C10orf143: variants seen among roughly 807,000 people sequenced by gnomAD.
C10orf143 encodes chromosome 10 open reading frame 143.
Position 130,096,923 on chromosome 10 carries a change from C to T in C10orf143, c.69+13781G>A, listed in dbSNP as rs368218128. On this transcript the variant is annotated intron_variant, in intron 1 of 3. Transcript: ENST00000637128. Reference sequence around the variant, plus strand: ...ATGTTTACAAATCATATATATGATACAAGTATCCAGAAAATATATATATAT... The same window carrying T: ...ATGTTTACAAATCATATATATGATATAAGTATCCAGAAAATATATATATAT... 2.2e-4 allele frequency among the ~76,000 whole-genome samples: 33 copies of T among 147,226 alleles called. No individual in the cohort carries two copies. The South Asian group carries it at 6.6e-3, about 29-fold the overall frequency.
At chr10:130,050,123 G>A (rs1860719590) in intron 3 of C10orf143, among the ~76,000 whole-genome samples, 1 of 152,244 alleles carries the variant, frequency 6.6e-6, no homozygotes, top group African/African-American at 2.4e-5. Flanking sequence ...GAAAACAGGT[G>A]GTGGGACCCG....
chr10:130,099,349 T>G (rs1659815451), intron 1 of C10orf143, among the ~76,000 whole-genome samples: 1 of 151,840 alleles, frequency 6.6e-6, no homozygotes. Context: ...AGGAGAAGAG[T>G]GACCACAGAA....
At chr10:130,077,746 C>T (rs2134765074) in intron 3 of C10orf143, among the ~76,000 whole-genome samples, 1 of 152,246 alleles carries the variant, frequency 6.6e-6, no homozygotes, top group Non-Finnish European at 1.5e-5. Context: ...TTTTATAATA[C>T]AAAAATAGTG....
At chr10:130,071,914 G>A (rs372283732) in intron 3 of C10orf143, among the ~76,000 whole-genome samples, 10 of 152,144 alleles carry the variant, frequency 6.6e-5, no homozygotes, top group Non-Finnish European at 1.0e-4. Context: ...ATGAGCCACC[G>A]CGCCTGGCCG....
chr10:130,088,210 C>G (rs635392), intron 1 of C10orf143, among the ~76,000 whole-genome samples: 81,962 of 151,744 alleles, frequency 0.54, 24,606 homozygotes, highest in Admixed American at 0.69. Flanking sequence ...TGGTGAAATT[C>G]CGTCTCTACT....
At chr10:130,110,603 C>T (rs1861749818) in intron 1 of C10orf143, 101 bp downstream of exon 1, 5 of 398,020 alleles carry the variant, frequency 1.3e-5, no homozygotes, top group Non-Finnish European at 2.2e-5. Context: ...GGCCAGGCCT[C>T]CTCACAGGCA....
intron 1 of C10orf143, among the ~76,000 whole-genome samples, chr10:130,082,940 T>C (rs1263995220): frequency 3.3e-5 from 5 of 151,770 alleles, no homozygotes; most frequent in Non-Finnish European, 7.4e-5. Flanking sequence ...TATATGAAAA[T>C]AAAAACTTCT....
In C10orf143 at chr10:130,079,552, G is replaced by T; in HGVS notation, c.297+14C>A. The T allele has an allele frequency of 2.5e-6, 1 of 399,010 alleles. No individual in the cohort carries two copies. Among genetic ancestry groups the T allele is most frequent in the Non-Finnish European group, 4.4e-6 (1 of 226,062 alleles). The allele number at this position is 399,010 out of a possible 1,614,324, so 24.7% of individuals were successfully genotyped here. A position where few individuals can be genotyped will look rare whatever the true frequency, so the allele number is the denominator to read the frequency against. On this transcript the variant is annotated intron_variant, in intron 3 of 3. Coordinates refer to ENST00000637128, the MANE Select transcript of C10orf143 (RefSeq NM_001355042.2). ...CTATCTTTTATGTCACAGCAAGAAG[G>T]TTAATGCACTTACAGATTCCCCTGC...
chr10:130,040,700 G>A (rs1860596908), intron 3 of C10orf143, among the ~76,000 whole-genome samples: 1 of 152,232 alleles, frequency 6.6e-6, no homozygotes, highest in African/African-American at 2.4e-5. Flanking sequence ...GGGCTTGGTG[G>A]CGGGTGCCTG....
intron 1 of C10orf143, chr10:130,106,131 G>A (rs1193385372): frequency 1.4e-6 from 1 of 723,832 alleles, no homozygotes; most frequent in African/African-American, 1.7e-5. Context: ...CTGCCTGAAA[G>A]TATGAGACTG....
chr10:130,061,101 C>A (rs1860852889), downstream of C10orf143, among the ~76,000 whole-genome samples: 1 of 152,174 alleles, frequency 6.6e-6, no homozygotes, highest in Non-Finnish European at 1.5e-5. Context: ...TGCACCACTG[C>A]ACTCCAGCCT....
chr10:130,040,299 C>T (rs1053183307), intron 3 of C10orf143, among the ~76,000 whole-genome samples: 8 of 152,212 alleles, frequency 5.3e-5, no homozygotes, highest in South Asian at 2.1e-4. Flanking sequence ...TGACATCTGC[C>T]TGTCCCCGTA....
rs916086333 is a variant in C10orf143 at position 130,056,588 on chromosome 10, CTATTTTATTT to C, written c.298-20628_298-20619del. ...TTCATTTTTTTAAATTAAATTAAATCTATTTTATTTTATTTTATTTTGAAATGGAGTCTCG... is the reference window on the plus strand; with the variant it reads ...TTCATTTTTTTAAATTAAATTAAATCTATTTTATTTTGAAATGGAGTCTCG... On this transcript the variant is annotated intron_variant and NMD_transcript_variant, in intron 3 of 5. Transcript: ENST00000643056. This position sits in a 1 kb window ranked among gnomAD's most constrained non-coding sequence, Gnocchi z 4.6. Among the ~76,000 whole-genome samples, 2 of 152,108 alleles carry C rather than the reference CTATTTTATTT, an allele frequency of 1.3e-5. No individual in the cohort carries two copies. The highest frequency in any genetic ancestry group is 2.1e-4 in the South Asian group (1 of 4,820).
At chr10:130,078,178 T>C (rs1315467318) in intron 3 of C10orf143, among the ~76,000 whole-genome samples, 2 of 152,156 alleles carry the variant, frequency 1.3e-5, no homozygotes, top group Admixed American at 1.3e-4. Flanking sequence ...TTAGCCAAAA[T>C]GATCCAATCA....
At chr10:130,077,955 A>C (rs1410092274) in intron 3 of C10orf143, among the ~76,000 whole-genome samples, 1 of 152,240 alleles carries the variant, frequency 6.6e-6, no homozygotes, top group Non-Finnish European at 1.5e-5. Context: ...ATTGAGAATA[A>C]CTACAAATAA....
intron 3 of C10orf143, among the ~76,000 whole-genome samples, chr10:130,055,812 G>A (rs1483570666): frequency 1.3e-5 from 2 of 151,942 alleles, no homozygotes; most frequent in African/African-American, 4.8e-5. Flanking sequence ...CGGATGTGGT[G>A]GTGCGGGCCT....
At chr10:130,102,918 T>C (rs1224590963) in intron 1 of C10orf143, among the ~76,000 whole-genome samples, 1 of 152,208 alleles carries the variant, frequency 6.6e-6, no homozygotes, top group Non-Finnish European at 1.5e-5. Flanking sequence ...GTCCTTTTAT[T>C]TATCTATTGC....
At chr10:130,053,891 C>T (rs746383932) in intron 3 of C10orf143, among the ~76,000 whole-genome samples, 7 of 152,178 alleles carry the variant, frequency 4.6e-5, no homozygotes, top group South Asian at 2.1e-4. Flanking sequence ...AGGGACCATG[C>T]CTGGATGGGG....
intron 1 of C10orf143, among the ~76,000 whole-genome samples, chr10:130,083,210 A>C (rs1423458997): frequency 3.9e-5 from 6 of 152,204 alleles, no homozygotes; most frequent in South Asian, 2.1e-4. Flanking sequence ...AAGAAATACA[A>C]ATTAAGTCAA....
Sources: gnomAD v4.1 joint callset for allele counts (sites outside exome capture counted in the v4.1 genomes callset) on GRCh38, gnomAD v4.1.1 for gene constraint, Gnocchi (gnomAD v3.1) non-coding constraint, MANE v1.5 for transcripts, NCBI Gene and HGNC (gene_info 2026-07-23, HGNC 2026-07-21) for gene names.